The following TPRX1 variants were observed in gnomAD, a reference collection of about 807,000 sequenced individuals.
TPRX1 encodes tetra-peptide repeat homeobox protein 1.
Under a neutral mutation model 8.1 loss-of-function variants are expected in TPRX1, and 2 were observed. The observed-to-expected ratio is 0.25, with a 90% CI of 0.10 to 0.78. The LOEUF is 0.78. Among genes scored for constraint, TPRX1 ranks in the 30% least tolerant of loss-of-function variants. TPRX1 has a pLI of 0.70. For synonymous variants in TPRX1, 257 were observed against 254.1 expected, an observed-to-expected ratio of 1.01 and a Z score of -0.11; for missense variants, 517 against 586.9, an observed-to-expected ratio of 0.88 and a Z score of 1.23.
At chr19:47,813,544 C>T (rs770017975) in intron 2 of TPRX1, among the ~76,000 whole-genome samples, 6 of 152,092 alleles carry the variant, frequency 3.9e-5, no homozygotes, top group Admixed American at 3.9e-4. Flanking sequence ...TTTCCAGGCG[C>T]GGGGAGCAAG....
intron 2 of TPRX1, among the ~76,000 whole-genome samples, chr19:47,803,889 C>T (rs959811131): frequency 2.6e-5 from 4 of 152,012 alleles, no homozygotes; most frequent in African/African-American, 9.7e-5. Context: ...GGAAGGCAGG[C>T]AGCGTAGGCG....
intron 2 of TPRX1, among the ~76,000 whole-genome samples, chr19:47,806,428 G>A (rs1022899715): frequency 1.3e-5 from 2 of 152,042 alleles, no homozygotes; most frequent in Non-Finnish European, 2.9e-5. Context: ...GCTGAGGTAG[G>A]AGAATCACTT....
intron 2 of TPRX1, among the ~76,000 whole-genome samples, chr19:47,806,953 G>T (rs190960420): frequency 4.4e-4 from 67 of 152,170 alleles, no homozygotes; most frequent in Admixed American, 4.1e-3. Flanking sequence ...CCAGGCTGGA[G>T]TGCAGTAGTG....
chr19:47,806,843 A>G (rs145050495), intron 2 of TPRX1, among the ~76,000 whole-genome samples: 120 of 152,242 alleles, frequency 7.9e-4, no homozygotes, highest in African/African-American at 2.7e-3. Context: ...GGACGGTGAA[A>G]AATGTTCTAA....
At chr19:47,808,200 C>CG (rs1967751770) in intron 2 of TPRX1, among the ~76,000 whole-genome samples, 1 of 151,700 alleles carries the variant, frequency 6.6e-6, no homozygotes. Flanking sequence ...CTGCAACCTC[C>CG]GCCTCCCAGG....
At chr19:47,804,267 C>T in intron 2 of TPRX1, among the ~76,000 whole-genome samples, 1 of 151,824 alleles carries the variant, frequency 6.6e-6, no homozygotes, top group East Asian at 1.9e-4. Flanking sequence ...GTTGGCTCGG[C>T]TGGTTTCAGA....
chr19:47,816,393 T>C (rs895373501), intron 2 of TPRX1, among the ~76,000 whole-genome samples: 2 of 151,612 alleles, frequency 1.3e-5, no homozygotes, highest in Admixed American at 1.3e-4. Context: ...TAAAATTATA[T>C]TTTTTTGGCC....
chr19:47,801,847 C>G, exon 4 of TPRX1: 1 of 1,614,144 alleles, frequency 6.2e-7, no homozygotes, highest in Non-Finnish European at 8.5e-7. Context: ...GGGGCTGAGA[C>G]CCTGAGTGTT....
Position 47,805,683 on chromosome 19 carries a change from A to G in TPRX1, c.152-2010T>C, listed in dbSNP as rs1440393059. ...GCTGTAGAAAGCAGCATCCCCAGCA[A>G]TGATTCCTCATCGCACACATTGTCC... On this transcript the variant is annotated intron_variant, in intron 2 of 3. Coordinates refer to ENST00000535759, the Ensembl canonical transcript of TPRX1. Among the ~76,000 whole-genome samples, 4 of 152,192 alleles carry G rather than the reference A, an allele frequency of 2.6e-5. No individual in the cohort carries two copies. The East Asian group carries it at 5.8e-4, about 22-fold the overall frequency.
chr19:47,802,488 TTGGGCCTGAGAA>T (rs775288191), exon 4 of TPRX1: 90 of 1,511,214 alleles, frequency 6.0e-5, no homozygotes, highest in East Asian at 2.6e-4. Flanking sequence ...GGGCCTGGGT[TTGGGCCTGAGAA>T]TGGGCCTGAG....
chr19:47,802,750 G>A (rs1011518203), exon 4 of TPRX1: 1 of 1,605,450 alleles, frequency 6.2e-7, no homozygotes, highest in South Asian at 1.1e-5. Context: ...CAGCTGGGAT[G>A]CCCTTCTGGG....
intron 1 of TPRX1, chr19:47,818,566 G>A: frequency 2.2e-6 from 1 of 456,084 alleles, no homozygotes; most frequent in Non-Finnish European, 4.4e-6. Context: ...GAAACAAGAT[G>A]TCAGTAAGAG....
At chr19:47,815,160 ATATTT>A (rs1967827095) in intron 2 of TPRX1, among the ~76,000 whole-genome samples, 1 of 84,468 alleles carries the variant, frequency 1.2e-5, no homozygotes, top group African/African-American at 5.1e-5. Context: ...ATATATATAT[ATATTT>A]TTTTTTTTTG....
intron 2 of TPRX1, among the ~76,000 whole-genome samples, chr19:47,812,243 G>T (rs150780814): frequency 1.3e-5 from 2 of 152,278 alleles, no homozygotes; most frequent in Non-Finnish European, 2.9e-5. Context: ...GTTAACGGGT[G>T]CAGTCCTTGT....
At chr19:47,807,883 G>C (rs1048764993) in intron 2 of TPRX1, among the ~76,000 whole-genome samples, 1 of 151,796 alleles carries the variant, frequency 6.6e-6, no homozygotes, top group Non-Finnish European at 1.5e-5. Flanking sequence ...TTTTGAAATT[G>C]ACTCTGTGAC....
chr19:47,801,813 C>T (rs1211234718), exon 4 of TPRX1: 1 of 1,613,998 alleles, frequency 6.2e-7, no homozygotes, highest in Non-Finnish European at 8.5e-7. Context: ...GAGTGATTTT[C>T]ATTCACAGAG....
At chr19:47,805,353 G>A (rs945229139) in intron 2 of TPRX1, among the ~76,000 whole-genome samples, 2 of 152,108 alleles carry the variant, frequency 1.3e-5, no homozygotes, top group African/African-American at 2.4e-5. Context: ...TCTGATGGAC[G>A]TGCCCATGGA....
intron 2 of TPRX1, among the ~76,000 whole-genome samples, chr19:47,810,400 G>A (rs1327419217): frequency 2.4e-5 from 3 of 127,384 alleles, no homozygotes; most frequent in Non-Finnish European, 4.8e-5. Flanking sequence ...CCAGGCTGGA[G>A]TGCAGTGGCC....
rs1555800012 is a variant in TPRX1, at chr19:47,815,125, T to TATATATATATATATATGCAA, written c.151+3342_151+3343insTTGCATATATATATATATAT. On this transcript the variant is annotated intron_variant, in intron 2 of 3. Transcript: ENST00000535759. ...AATAAATAGATAAATTATATATATA[T>TATATATATATATATATGCAA]ATATATATATATATATATGCAAATA... Among the ~76,000 whole-genome samples, 247 of 97,408 alleles carry TATATATATATATATATGCAA rather than the reference T, an allele frequency of 2.5e-3. 1 individual carries two copies. The highest frequency in any genetic ancestry group is 6.6e-3 in the Middle Eastern group (1 of 152). The allele number at this position is 97,408 out of a possible 152,430, so 63.9% of individuals were successfully genotyped here. A position where few individuals can be genotyped will look rare whatever the true frequency, so the allele number is the denominator to read the frequency against.
Sources: allele counts gnomAD v4.1 joint callset (sites outside exome capture counted in the v4.1 genomes callset), GRCh38; gene constraint gnomAD v4.1.1; transcripts MANE v1.5; gene names NCBI Gene and HGNC (gene_info 2026-07-23, HGNC 2026-07-21).